Variants in MDFIC2 observed in about 807,000 individuals in gnomAD.
MDFIC2 encodes myoD family inhibitor domain-containing protein 2.
intron 2 of MDFIC2, among the ~76,000 whole-genome samples, chr3:70,290,595 G>C (rs1407996438): frequency 6.6e-6 from 1 of 152,244 alleles, no homozygotes; most frequent in African/African-American, 2.4e-5. Flanking sequence ...CACCCAGTTC[G>C]AGTTTCCGGG....
At chr3:70,200,630 T>C (rs564661874) in intron 3 of MDFIC2, among the ~76,000 whole-genome samples, 1 of 152,346 alleles carries the variant, frequency 6.6e-6, no homozygotes, top group South Asian at 2.1e-4. Flanking sequence ...TTCATAGCAC[T>C]GACCATACGA....
chr3:70,286,778 C>A (rs542864046), intron 2 of MDFIC2, among the ~76,000 whole-genome samples: 1 of 152,152 alleles, frequency 6.6e-6, no homozygotes, highest in South Asian at 2.1e-4. Context: ...CCTTCACATC[C>A]CTTATAAGTT....
chr3:70,216,504 A>G (rs1414048657), intron 2 of MDFIC2, among the ~76,000 whole-genome samples: 2 of 152,062 alleles, frequency 1.3e-5, no homozygotes, highest in Non-Finnish European at 2.9e-5. Context: ...CCAGAGTCAC[A>G]TAACTAGTAA....
At chr3:70,223,138 T>A (rs1224292798) in intron 2 of MDFIC2, among the ~76,000 whole-genome samples, 1 of 152,178 alleles carries the variant, frequency 6.6e-6, no homozygotes, top group Non-Finnish European at 1.5e-5. Flanking sequence ...TTGTCATTGT[T>A]CTATACTACT....
chr3:70,289,998 G>C (rs1369521105), intron 2 of MDFIC2, among the ~76,000 whole-genome samples: 8 of 152,038 alleles, frequency 5.3e-5, no homozygotes, highest in Admixed American at 5.2e-4. Context: ...CTTTGCCTTT[G>C]GTTTGAATGT....
At chr3:70,250,710 A>G (rs1016408917) in intron 2 of MDFIC2, among the ~76,000 whole-genome samples, 5 of 152,116 alleles carry the variant, frequency 3.3e-5, no homozygotes, top group Admixed American at 3.3e-4. Flanking sequence ...CAGAGTTTCC[A>G]CTGGCAATTC....
At chr3:70,300,166 A>G (rs1702333840) in intron 2 of MDFIC2, among the ~76,000 whole-genome samples, 1 of 151,994 alleles carries the variant, frequency 6.6e-6, no homozygotes, top group Non-Finnish European at 1.5e-5. Flanking sequence ...TATTCATGTC[A>G]TTTTTTAGCA....
At chr3:70,269,902 T>C (rs1701957612) in intron 2 of MDFIC2, among the ~76,000 whole-genome samples, 1 of 152,136 alleles carries the variant, frequency 6.6e-6, no homozygotes, top group Admixed American at 6.5e-5. Flanking sequence ...AAATTACTAT[T>C]CTTAAGTGAC....
chr3:70,290,661 C>G (rs1002594111), intron 2 of MDFIC2, among the ~76,000 whole-genome samples: 1 of 152,184 alleles, frequency 6.6e-6, no homozygotes, highest in African/African-American at 2.4e-5. Flanking sequence ...CCCCTAGCCT[C>G]GCTGCCGCCT....
At chr3:70,232,850 G>A (rs1701573599) in intron 2 of MDFIC2, among the ~76,000 whole-genome samples, 1 of 152,006 alleles carries the variant, frequency 6.6e-6, no homozygotes, top group Non-Finnish European at 1.5e-5. Flanking sequence ...ACAGAAAGAA[G>A]GAAAAAAATC....
At chr3:70,279,542 C>A (rs1459795695) in intron 2 of MDFIC2, among the ~76,000 whole-genome samples, 1 of 152,180 alleles carries the variant, frequency 6.6e-6, no homozygotes, top group African/African-American at 2.4e-5. Flanking sequence ...AAATGTGTCA[C>A]CCCATCATCA....
intron 2 of MDFIC2, among the ~76,000 whole-genome samples, chr3:70,305,461 C>A (rs187726326): frequency 3.7e-4 from 57 of 152,142 alleles, no homozygotes; most frequent in Non-Finnish European, 6.0e-4. Context: ...AAATGAGATA[C>A]AAAAAATATC....
chr3:70,200,615 T>G (rs887947832), intron 3 of MDFIC2, among the ~76,000 whole-genome samples: 5 of 152,214 alleles, frequency 3.3e-5, no homozygotes, highest in African/African-American at 1.2e-4. Flanking sequence ...CTGTTTTATT[T>G]TTTCTTCATA....
At chr3:70,275,245 G>T (rs1311147042) in intron 2 of MDFIC2, among the ~76,000 whole-genome samples, 1 of 152,114 alleles carries the variant, frequency 6.6e-6, no homozygotes, top group African/African-American at 2.4e-5. Flanking sequence ...GACTTGGGCC[G>T]GGTACAGTGG....
chr3:70,258,510 C>A (rs1701838058), intron 2 of MDFIC2, among the ~76,000 whole-genome samples: 1 of 152,146 alleles, frequency 6.6e-6, no homozygotes, highest in South Asian at 2.1e-4. Context: ...TCTAGACTAT[C>A]CAGTCACATG....
intron 2 of MDFIC2, among the ~76,000 whole-genome samples, chr3:70,292,900 T>C (rs1303684649): frequency 1.3e-5 from 2 of 152,010 alleles, no homozygotes; most frequent in African/African-American, 4.8e-5. Flanking sequence ...ATAATAGCTT[T>C]AGAATATTTA....
At chr3:70,203,654 G>T (rs935957691) in intron 3 of MDFIC2, among the ~76,000 whole-genome samples, 8 of 152,238 alleles carry the variant, frequency 5.3e-5, no homozygotes, top group African/African-American at 1.9e-4. Flanking sequence ...AATTTACAGT[G>T]TAGAAAATGT....
intron 2 of MDFIC2, among the ~76,000 whole-genome samples, chr3:70,284,760 G>A (rs531571074): frequency 6.6e-5 from 10 of 152,260 alleles, no homozygotes; most frequent in East Asian, 1.9e-4. Flanking sequence ...TGAAGGGTAG[G>A]AGGAGACAGA....
At chr3:70,224,105 T>C (rs550479411) in intron 2 of MDFIC2, among the ~76,000 whole-genome samples, 79 of 152,300 alleles carry the variant, frequency 5.2e-4, no homozygotes, top group African/African-American at 1.9e-3. Flanking sequence ...TCCAAATCCC[T>C]GTGTGTATCT....
Sources: gnomAD v4.1 joint callset for allele counts (sites outside exome capture counted in the v4.1 genomes callset) on GRCh38, gnomAD v4.1.1 for gene constraint, MANE v1.5 for transcripts, NCBI Gene and HGNC (gene_info 2026-07-23, HGNC 2026-07-21) for gene names.